SVEP1: variants seen among roughly 807,000 people sequenced by gnomAD.
SVEP1 encodes the protein sushi, von Willebrand factor type A, EGF and pentraxin domain-containing protein 1.
A neutral mutation model predicts 367.3 loss-of-function variants in SVEP1; 164 were observed. The ratio of observed to expected loss-of-function variants is 0.45; its 90% CI spans 0.39 to 0.51. SVEP1 has a LOEUF of 0.51. SVEP1 is among the 20% of genes least tolerant of loss of function. The pLI is 0.00. For missense variants in SVEP1, 4,117 were observed against 4,425.3 expected, an observed-to-expected ratio of 0.93 and a Z score of 1.98; for synonymous variants, 1,666 against 1,611.6, an observed-to-expected ratio of 1.03 and a Z score of -0.81.
chr9:110,369,534 A>C (rs1827245579), intron 47 of SVEP1: 1 of 156,542 alleles, frequency 6.4e-6, no homozygotes, highest in South Asian at 2.0e-4. Flanking sequence ...TGTAGGATGC[A>C]ATCTTCTGTT....
intron 23 of SVEP1, 34 bp from the exon 24 acceptor site, chr9:110,450,294 T>C (rs746303348): frequency 1.2e-6 from 2 of 1,604,756 alleles, no homozygotes; most frequent in African/African-American, 2.7e-5. Flanking sequence ...ACAGCCCAAA[T>C]GATTAACTCC....
chr9:110,570,967 CTCCTTTTTT>C (rs1375489034), intron 1 of SVEP1, among the ~76,000 whole-genome samples: 2 of 138,004 alleles, frequency 1.4e-5, no homozygotes, highest in African/African-American at 5.4e-5. Context: ...TTCCAGATGG[CTCCTTTTTT>C]TTTTTTTTTT....
At chr9:110,506,570 C>T (rs1450713477) in intron 5 of SVEP1, among the ~76,000 whole-genome samples, 1 of 152,220 alleles carries the variant, frequency 6.6e-6, no homozygotes, top group African/African-American at 2.4e-5. Flanking sequence ...CTTCTGGGAT[C>T]ACTCCTTCAA....
chr9:110,400,820 A>G (rs767311759), intron 40 of SVEP1, 34 bp downstream of exon 40: 3 of 1,580,248 alleles, frequency 1.9e-6, no homozygotes, highest in Non-Finnish European at 2.6e-6. Context: ...TTGGAAAAAC[A>G]AATTATTTCT....
In SVEP1 at chr9:110,450,221, T is replaced by G. The variant is rs1290619193; in HGVS notation, c.3941A>C (p.Asn1314Thr). Residue 1314 changes from asparagine (N) to threonine (T), a missense_variant, in exon 24 of 48, where the codon AAC (asparagine) becomes ACC (threonine). This residue lies in a region of SVEP1 where 2,174 missense variants were observed against 2,494.3 expected (regional missense o/e 0.87). Coordinates refer to ENST00000374469, the MANE Select transcript of SVEP1 (RefSeq NM_153366.4). ...ACAGACTGCATTATTTAAGCATGGG[T>G]TTGACTGGCATTCATTGACTTCTGT... ...CETEVNECQS[N>T]PCLNNAVCED... is the part of the protein sequence containing the mutation. The G allele has an allele frequency of 1.1e-5, 18 of 1,613,832 alleles. No individual in the cohort carries two copies. Among genetic ancestry groups the G allele is most frequent in the Non-Finnish European group, 1.5e-5 (18 of 1,179,778 alleles).
At position 110,413,439 on chromosome 9, in the gene SVEP1, C is replaced by G. The variant is rs868253409; in HGVS notation, c.5976-1704G>C. On this transcript the variant is annotated intron_variant, in intron 36 of 47. Coordinates refer to ENST00000374469, the MANE Select transcript of SVEP1 (RefSeq NM_153366.4). ...ATAGCTTTGGGAGATATACCTAATG[C>G]TAGATGACGAGTTAGTGGGTGCAGT... 1.5e-4 allele frequency among the ~76,000 whole-genome samples: 23 copies of G among 149,026 alleles called. No individual in the cohort carries two copies. The Middle Eastern group carries it at 0.014, about 89-fold the overall frequency.
At chr9:110,371,695 C>A (rs942344111) in intron 46 of SVEP1, among the ~76,000 whole-genome samples, 1 of 152,198 alleles carries the variant, frequency 6.6e-6, no homozygotes, top group Non-Finnish European at 1.5e-5. Flanking sequence ...AGTGCCCAAG[C>A]TGGAAACAGC....
At chr9:110,442,878 G>A (rs1828533268) in intron 27 of SVEP1, 1 of 152,108 alleles carries the variant, frequency 6.6e-6, no homozygotes. Context: ...ACGTATCCTA[G>A]TTTCATACAA....
intron 3 of SVEP1, among the ~76,000 whole-genome samples, chr9:110,520,544 A>G (rs1829863481): frequency 1.3e-5 from 2 of 152,174 alleles, no homozygotes; most frequent in African/African-American, 4.8e-5. Flanking sequence ...ACGTTGTACT[A>G]ACATTAGATT....
In SVEP1 at chr9:110,406,229, G is replaced by C; in HGVS notation, c.9371C>G (p.Ser3124Cys). ...CACTGCATTGGCGACAGACGGTGGG[G>C]ACCCACAGGACAAGGGCTCACAGAC... is the stretch of plus-strand genomic sequence containing the variant. ...YPVCEPLSCG[S>C]PPSVANAVAT... Residue 3124 changes from serine (S) to cysteine (C), a missense_variant, in exon 38 of 48, where the codon TCC (serine) becomes TGC (cysteine). Coordinates refer to ENST00000374469, the MANE Select transcript of SVEP1 (RefSeq NM_153366.4). 6.2e-7 allele frequency: 1 copy of C among 1,612,360 alleles called. No individual in the cohort carries two copies. The highest frequency in any genetic ancestry group is 8.5e-7 in the Non-Finnish European group (1 of 1,179,060).
At chr9:110,572,787 CACAAAAAA>C (rs1372648269) in intron 1 of SVEP1, among the ~76,000 whole-genome samples, 41 of 38,410 alleles carry the variant, frequency 1.1e-3, no homozygotes, top group Non-Finnish European at 8.3e-4. Flanking sequence ...CTCTCTCTCT[CACAAAAAA>C]AAAAAAAAAA....
At chr9:110,513,193 T>A in intron 4 of SVEP1, 88 bp from the exon 5 acceptor site, 1 of 1,233,216 alleles carries the variant, frequency 8.1e-7, no homozygotes. Flanking sequence ...AGGGGGCATT[T>A]ATGCATATGT....
At chr9:110,479,265 T>C (rs965997101) in intron 13 of SVEP1, among the ~76,000 whole-genome samples, 2 of 152,136 alleles carry the variant, frequency 1.3e-5, no homozygotes, top group Non-Finnish European at 2.9e-5. Context: ...CAAAAATGCA[T>C]CTTTTAAATC....
intron 18 of SVEP1, among the ~76,000 whole-genome samples, chr9:110,463,091 T>G (rs891262227): frequency 6.6e-6 from 1 of 152,094 alleles, no homozygotes; most frequent in Non-Finnish European, 1.5e-5. Context: ...TTTCCTAAGA[T>G]GAGGTCAGAG....
intron 1 of SVEP1, among the ~76,000 whole-genome samples, 199 bp downstream of exon 1, chr9:110,578,814 T>A (rs1830656000): frequency 6.6e-6 from 1 of 152,150 alleles, no homozygotes; most frequent in Admixed American, 6.5e-5. Context: ...CTCTAAGCGT[T>A]TTAAAATCCA....
chr9:110,430,103 T>C, intron 33 of SVEP1, 99 bp from the exon 34 acceptor site: 1 of 1,310,400 alleles, frequency 7.6e-7, no homozygotes, highest in South Asian at 1.4e-5. Flanking sequence ...TGTTTGTTTG[T>C]TTTCTTTTTT....
At chr9:110,503,264 A>T (rs1366289811) in intron 5 of SVEP1, 47 bp from the exon 6 acceptor site, 1 of 1,550,808 alleles carries the variant, frequency 6.4e-7, no homozygotes, top group Non-Finnish European at 8.7e-7. Flanking sequence ...AAATAAGGAT[A>T]AAAATAATAA....
At chr9:110,430,521 A>AATTCC in intron 32 of SVEP1, 71 bp from the exon 33 acceptor site, 1 of 1,462,358 alleles carries the variant, frequency 6.8e-7, no homozygotes, top group Non-Finnish European at 9.2e-7. Context: ...ACAGCAAAAG[A>AATTCC]ATTCCACTAT....
Position 110,579,681 on chromosome 9 carries a change from T to C in SVEP1, c.-138A>G. The C allele has an allele frequency of 9.5e-7, 1 of 1,057,512 alleles. No homozygotes were observed. 65.5% of individuals were successfully genotyped at this position (1,057,512 alleles called of 1,614,324 possible). ...GGCCAAGAGCCTCAGCGCCCTTTCA[T>C]CTGACACTGGGGACAGACACAATCC... On this transcript the variant is annotated 5_prime_UTR_variant, in exon 1 of 48. It removes an upstream start codon present in the reference 5' UTR. Transcript: ENST00000374469. This position sits in a 1 kb window ranked among gnomAD's most constrained non-coding sequence, Gnocchi z 5.3.
Sources: gnomAD v4.1 joint callset for allele counts (sites outside exome capture counted in the v4.1 genomes callset) on GRCh38, gnomAD v4.1.1 for gene constraint, gnomAD v4.1.1 regional missense constraint, Gnocchi (gnomAD v3.1) non-coding constraint, MANE v1.5 for transcripts, NCBI Gene and HGNC (gene_info 2026-07-23, HGNC 2026-07-21) for gene names.